NGLY1: variants seen among roughly 807,000 people sequenced by gnomAD.
NGLY1 encodes peptide-N(4)-(N-acetyl-beta-glucosaminyl)asparagine amidase.
NGLY1 carries 68 observed loss-of-function variants against 84.6 expected under a neutral mutation model. The observed-to-expected ratio is 0.80, with a 90% CI of 0.66 to 0.98. The LOEUF is 0.98. Ranked by LOEUF, NGLY1 falls within the 50% of genes least tolerant of loss-of-function variation. The pLI is 0.00. For missense variants in NGLY1, 779 were observed against 770.2 expected (o/e 1.01, Z -0.14); for synonymous variants, 280 against 275.2 (o/e 1.02, Z -0.17).
intron 3 of NGLY1, among the ~76,000 whole-genome samples, chr3:25,761,575 T>C (rs938618278): frequency 6.6e-6 from 1 of 152,186 alleles, no homozygotes; most frequent in African/African-American, 2.4e-5. Context: ...TTGGTGAGGA[T>C]ACTAAGAAAC....
intron 4 of NGLY1, chr3:25,749,698 G>T: frequency 1.9e-6 from 3 of 1,583,836 alleles, no homozygotes; most frequent in Non-Finnish European, 2.6e-6. Flanking sequence ...AGCACATGCT[G>T]CCCAGTGGCT....
intron 10 of NGLY1, among the ~76,000 whole-genome samples, chr3:25,720,593 C>G (rs923085294): frequency 6.6e-6 from 1 of 152,156 alleles, no homozygotes; most frequent in South Asian, 2.1e-4. Flanking sequence ...TTTTCATATA[C>G]GCTTTCCTAG....
chr3:25,719,396 T>C lies in NGLY1; in HGVS notation c.*64A>G. ...TGGTAACTGCCAACTAAGCATGCAC[T>C]GAACCAACAGACTACTTCAGTAAGT... is the stretch of plus-strand genomic sequence containing the variant. On this transcript the variant is annotated 3_prime_UTR_variant, in exon 12 of 12. Coordinates refer to ENST00000280700, the MANE Select transcript of NGLY1 (RefSeq NM_018297.4). 1 of 1,464,242 alleles carries C rather than the reference T, an allele frequency of 6.8e-7. No individual in the cohort carries two copies. The highest frequency in any genetic ancestry group is 9.5e-7 in the Non-Finnish European group (1 of 1,058,122). 90.7% of individuals were successfully genotyped at this position (1,464,242 alleles called of 1,614,324 possible). A position where few individuals can be genotyped will look rare whatever the true frequency, so the allele number is the denominator to read the frequency against.
intron 2 of NGLY1, among the ~76,000 whole-genome samples, chr3:25,769,027 T>A (rs1434757048): frequency 2.0e-5 from 3 of 151,866 alleles, no homozygotes; most frequent in East Asian, 3.9e-4. Flanking sequence ...TAAAAGGAAC[T>A]GAAACAACTT....
chr3:25,734,073 T>C (rs1705693619), intron 7 of NGLY1, 91 bp from the exon 8 acceptor site: 1 of 1,529,164 alleles, frequency 6.5e-7, no homozygotes, highest in South Asian at 1.2e-5. Context: ...AATTTTTAAA[T>C]GCATTTTTTT....
chr3:25,734,765 G>T (rs67500274), intron 7 of NGLY1: 25,708 of 921,724 alleles, frequency 0.028, 571 homozygotes, highest in African/African-American at 0.1. Flanking sequence ...AAACGGAAGA[G>T]AATACGTCAC....
At chr3:25,728,155 T>C (rs531185063) in intron 10 of NGLY1, among the ~76,000 whole-genome samples, 1 of 152,280 alleles carries the variant, frequency 6.6e-6, no homozygotes, top group Admixed American at 6.5e-5. Flanking sequence ...AAATGGAGTA[T>C]TTCTATGTTT....
chr3:25,746,955 G>A (rs1034714991), intron 4 of NGLY1, among the ~76,000 whole-genome samples: 2 of 152,126 alleles, frequency 1.3e-5, no homozygotes, highest in African/African-American at 4.8e-5. Context: ...TCAGACTCCC[G>A]AGTAGCTGGG....
chr3:25,747,833 C>T (rs887630091), intron 4 of NGLY1, among the ~76,000 whole-genome samples: 1 of 152,120 alleles, frequency 6.6e-6, no homozygotes. Flanking sequence ...ATTTAAATAG[C>T]AATTTTGACA....
At chr3:25,753,167 A>T (rs1218615572) in intron 3 of NGLY1, among the ~76,000 whole-genome samples, 9 of 152,200 alleles carry the variant, frequency 5.9e-5, no homozygotes, top group Non-Finnish European at 1.3e-4. Context: ...ACAAAATCCT[A>T]AGAGTCTTCA....
chr3:25,734,738 G>A (rs558565582), intron 7 of NGLY1: 43 of 875,378 alleles, frequency 4.9e-5, no homozygotes, highest in Admixed American at 1.2e-4. Context: ...AAAATAAAAC[G>A]TAAAAGCCTA....
chr3:25,784,187 T>C (rs1055801449), upstream of NGLY1: 1 of 152,218 alleles, frequency 6.6e-6, no homozygotes, highest in African/African-American at 2.4e-5. Context: ...TTTCAGAATT[T>C]GGCTAATGAC....
chr3:25,764,582 A>T (rs1334461616), intron 2 of NGLY1, among the ~76,000 whole-genome samples: 1 of 151,850 alleles, frequency 6.6e-6, no homozygotes, highest in Non-Finnish European at 1.5e-5. Context: ...TTCAGGAAAA[A>T]ATATTTGATC....
At chr3:25,739,476 A>G in intron 5 of NGLY1, 101 bp downstream of exon 5, 2 of 1,146,284 alleles carry the variant, frequency 1.7e-6, no homozygotes, top group South Asian at 1.5e-5. Flanking sequence ...TTAGAGGAAT[A>G]TATTTCTGAT....
intron 7 of NGLY1, chr3:25,735,001 G>A (rs182336807): frequency 6.0e-6 from 2 of 333,540 alleles, no homozygotes; most frequent in Non-Finnish European, 4.3e-6. Context: ...TTCAATAAAT[G>A]GTGCTAGAAC....
upstream of NGLY1, chr3:25,783,444 G>A (rs1575671958): frequency 2.8e-6 from 4 of 1,441,940 alleles, no homozygotes; most frequent in South Asian, 5.7e-5. The surrounding 1 kb of genome is among the most constrained non-coding windows in gnomAD (Gnocchi z 4.5). Context: ...GTCCCACACT[G>A]AGCAGGCGCC....
At position 25,755,351 on chromosome 3, in the gene NGLY1, C is replaced by A. The variant is rs570928494; in HGVS notation, c.493-4088G>T. The stretch of plus-strand genomic sequence containing the variant: ...GGGACCTAACCAAGGGAGGCTAGTT[C>A]TACGATTGACTGTTGGTGCTGTTAG... On this transcript the variant is annotated intron_variant, in intron 3 of 11. Transcript: ENST00000280700. 1.6e-5 allele frequency: 21 copies of A among 1,310,906 alleles called. No individual in the cohort carries two copies. The Middle Eastern group carries it at 3.0e-3, about 187-fold the overall frequency. 81.2% of individuals were successfully genotyped at this position (1,310,906 alleles called of 1,614,324 possible). A position where few individuals can be genotyped will look rare whatever the true frequency, so the allele number is the denominator to read the frequency against.
intron 9 of NGLY1, 130 bp downstream of exon 9, chr3:25,732,189 G>C (rs758937974): frequency 1.6e-5 from 12 of 727,910 alleles, no homozygotes; most frequent in Non-Finnish European, 2.6e-5. Flanking sequence ...TCAAATGTTT[G>C]CATTTTAAAA....
upstream of NGLY1, chr3:25,784,273 C>T (rs1708555452): frequency 6.6e-6 from 1 of 152,138 alleles, no homozygotes; most frequent in African/African-American, 2.4e-5. Context: ...TAGGTTGCGA[C>T]ATAATAATGG....
Sources: gnomAD v4.1 joint callset for allele counts (sites outside exome capture counted in the v4.1 genomes callset) on GRCh38, gnomAD v4.1.1 for gene constraint, Gnocchi (gnomAD v3.1) non-coding constraint, MANE v1.5 for transcripts, NCBI Gene and HGNC (gene_info 2026-07-23, HGNC 2026-07-21) for gene names.